Variants in PDZD2 observed in about 807,000 individuals in gnomAD.
PDZD2 encodes PDZ domain containing 2, also known as PDZ domain-containing protein 2.
Under a neutral mutation model 220.7 loss-of-function variants are expected in PDZD2, and 90 were observed. The observed-to-expected ratio is 0.41, with a 90% CI of 0.34 to 0.49. The LOEUF is 0.49. Ranked by LOEUF, PDZD2 falls within the 20% of genes least tolerant of loss-of-function variation. The pLI is 0.28. For missense variants in PDZD2, 3,174 were observed against 3,608.5 expected (o/e 0.88, Z 3.08); for synonymous variants, 1,375 against 1,450.5 (o/e 0.95, Z 1.18).
chr5:32,069,590 G>T lies in PDZD2; in HGVS notation c.2473G>T (p.Glu825Ter). Reference protein sequence around the residue: ...NPKVSEQEMDEVIARSTYQES... With the variant: ...NPKVSEQEMD ...TCAGGTTTCCGAGCAGGAAATGGAT[G>T]AAGTCATAGCACGCAGCACTTATCA... The change falls in exon 15 of 25, where the codon GAA becomes TAA. Residue 825 changes from glutamate to a stop codon, truncating the protein, a stop_gained. Transcript: ENST00000438447. LOFTEE classifies it high-confidence loss of function. 1 of 1,597,812 alleles carries T rather than the reference G, an allele frequency of 6.3e-7. No homozygotes were observed. Among genetic ancestry groups the T allele is most frequent in the East Asian group, 2.2e-5 (1 of 44,812 alleles).
intron 1 of PDZD2, among the ~76,000 whole-genome samples, chr5:31,671,227 T>A (rs989685109): frequency 8.6e-5 from 13 of 152,008 alleles, no homozygotes; most frequent in Non-Finnish European, 1.3e-4. Context: ...AGGAATGGAG[T>A]ACAACCAAAA....
intron 5 of PDZD2, among the ~76,000 whole-genome samples, chr5:32,006,146 CAAA>C (rs58241518): frequency 4.0e-5 from 4 of 99,454 alleles, no homozygotes; most frequent in Non-Finnish European, 2.3e-5. Flanking sequence ...GACTCCACTT[CAAA>C]AAAAAAAAAA....
chr5:31,757,938 T>A (rs1448177404), intron 1 of PDZD2, among the ~76,000 whole-genome samples: 1 of 152,264 alleles, frequency 6.6e-6, no homozygotes, highest in East Asian at 1.9e-4. Context: ...CTCTGGCTTC[T>A]GAGGGTGAAT....
At chr5:32,005,769 G>C (rs1484399966) in intron 5 of PDZD2, among the ~76,000 whole-genome samples, 2 of 151,848 alleles carry the variant, frequency 1.3e-5, no homozygotes, top group Non-Finnish European at 2.9e-5. Flanking sequence ...TGGCCAAGTT[G>C]TTACCTCTCC....
chr5:31,810,263 ATT>A (rs11418133), intron 2 of PDZD2, among the ~76,000 whole-genome samples: 14 of 132,712 alleles, frequency 1.1e-4, no homozygotes, highest in African/African-American at 1.7e-4. Flanking sequence ...TTCTCCAGAG[ATT>A]TTTTTTTTTT....
chr5:32,010,364 C>G lies in PDZD2; in HGVS notation c.1289C>G (p.Ser430Cys). The G allele has an allele frequency of 1.2e-6, 2 of 1,611,372 alleles. No individual in the cohort carries two copies. The highest frequency in any genetic ancestry group is 1.7e-6 in the Non-Finnish European group (2 of 1,177,782). ...NSAEDLLRLT[S>C]KSLPDLTSSV... ...GCAGAGGACCTCCTCAGGTTAACATCTAAGAGCTTGCCAGATCTGACCAGC... is the reference window on the plus strand; with the variant it reads ...GCAGAGGACCTCCTCAGGTTAACATGTAAGAGCTTGCCAGATCTGACCAGC... The change falls in exon 6 of 25, where the codon TCT becomes TGT. Residue 430 changes from serine (S) to cysteine (C), a missense_variant. Physicochemically the swap from Ser to Cys is moderately radical, Grantham distance 112. Transcript: ENST00000438447.
rs567990939 is a variant in PDZD2 at position 31,912,955 on chromosome 5, A to G, written c.477-70200A>G. The stretch of plus-strand genomic sequence containing the variant: ...ACAAAAGTTTAGCGTCTTTTTTTAT[A>G]TGAAAAACATTGCATCCTTCTTTTA... On this transcript the variant is annotated intron_variant, in intron 2 of 24. Coordinates refer to ENST00000438447, the MANE Select transcript of PDZD2 (RefSeq NM_178140.4). 2.6e-5 allele frequency among the ~76,000 whole-genome samples: 4 copies of G among 152,216 alleles called. No homozygotes were observed. In the South Asian group the frequency reaches 8.3e-4, roughly 32 times the overall value.
Position 31,985,805 on chromosome 5 carries a change from G to A in PDZD2, c.978+2149G>A, listed in dbSNP as rs191439701. 2.7e-3 allele frequency among the ~76,000 whole-genome samples: 407 copies of A among 152,022 alleles called. 3 individuals are homozygous for A. The highest frequency in any genetic ancestry group is 9.5e-3 in the African/African-American group (395 of 41,476). On this transcript the variant is annotated intron_variant, in intron 3 of 24. Transcript: ENST00000438447. ...ATTAAAATTGAACTTCTGGCCGGGC[G>A]CAGTGGCTCACGCCTGTAATCCCAG... is the stretch of plus-strand genomic sequence containing the variant.
At chr5:31,644,356 G>C (rs757905147) in intron 1 of PDZD2, among the ~76,000 whole-genome samples, 8 of 152,172 alleles carry the variant, frequency 5.3e-5, no homozygotes, top group Non-Finnish European at 8.8e-5. Context: ...GGGTTCTAGC[G>C]GGGAGTGTTT....
intron 6 of PDZD2, among the ~76,000 whole-genome samples, chr5:32,020,059 A>T (rs114177793): frequency 0.029 from 3,975 of 136,642 alleles, 97 homozygotes; most frequent in African/African-American, 0.055. Context: ...ATATATATAT[A>T]TTTTTTTAAT....
intron 2 of PDZD2, among the ~76,000 whole-genome samples, chr5:31,863,909 A>G (rs1299135585): frequency 3.9e-5 from 6 of 152,236 alleles, no homozygotes; most frequent in African/African-American, 1.4e-4. Context: ...TTTGTCCCAA[A>G]TACATAACAG....
At chr5:31,858,949 C>T (rs1239355959) in intron 2 of PDZD2, among the ~76,000 whole-genome samples, 1 of 152,016 alleles carries the variant, frequency 6.6e-6, no homozygotes, top group Non-Finnish European at 1.5e-5. Context: ...GAACTCCTGA[C>T]CTGAAGTGAT....
chr5:32,086,725 G>T (rs1742493152), intron 19 of PDZD2, among the ~76,000 whole-genome samples: 1 of 152,012 alleles, frequency 6.6e-6, no homozygotes. Context: ...TGCCCAGGCT[G>T]CAGTGCAATG....
chr5:31,984,151 G>A (rs1750526564), intron 3 of PDZD2, among the ~76,000 whole-genome samples: 1 of 152,184 alleles, frequency 6.6e-6, no homozygotes. Flanking sequence ...ATTTTTAGCA[G>A]TTCAAAATTA....
intron 2 of PDZD2, among the ~76,000 whole-genome samples, chr5:31,882,750 CA>C (rs1215497222): frequency 6.6e-6 from 1 of 151,814 alleles, no homozygotes; most frequent in Non-Finnish European, 1.5e-5. Context: ...AGGTCTGGGC[CA>C]GATACAGTGG....
chr5:31,782,205 A>G (rs1231338221), intron 1 of PDZD2, among the ~76,000 whole-genome samples: 1 of 152,204 alleles, frequency 6.6e-6, no homozygotes, highest in Non-Finnish European at 1.5e-5. Context: ...CATATAAAAT[A>G]CCAGACAGTT....
intron 1 of PDZD2, among the ~76,000 whole-genome samples, chr5:31,769,958 T>C (rs957567986): frequency 1.8e-4 from 28 of 152,234 alleles, no homozygotes; most frequent in Non-Finnish European, 1.5e-5. Context: ...AGTGAAGTCT[T>C]TGTAACTCAT....
At chr5:31,792,087 A>G (rs1753761479) in intron 1 of PDZD2, among the ~76,000 whole-genome samples, 1 of 152,174 alleles carries the variant, frequency 6.6e-6, no homozygotes, top group Non-Finnish European at 1.5e-5. Context: ...GAGAGACTGC[A>G]TTTTAGTTTA....
chr5:31,754,931 A>G (rs922768484), intron 1 of PDZD2, among the ~76,000 whole-genome samples: 1 of 152,254 alleles, frequency 6.6e-6, no homozygotes, highest in Non-Finnish European at 1.5e-5. Context: ...ACCAATCTAC[A>G]TATGTTATAC....
Sources: gnomAD v4.1 joint callset for allele counts (sites outside exome capture counted in the v4.1 genomes callset) on GRCh38, gnomAD v4.1.1 for gene constraint, MANE v1.5 for transcripts, NCBI Gene and HGNC (gene_info 2026-07-23, HGNC 2026-07-21) for gene names.